KLHL7: variants seen among roughly 807,000 people sequenced by gnomAD.
KLHL7 encodes kelch like family member 7.
KLHL7 carries 44 observed loss-of-function variants against 67.4 expected under a neutral mutation model. The ratio of observed to expected loss-of-function variants is 0.65; its 90% CI spans 0.51 to 0.84. KLHL7 has a LOEUF of 0.84. Ranked by LOEUF, KLHL7 falls within the 40% of genes least tolerant of loss-of-function variation. The pLI is 0.00. For missense variants in KLHL7, 362 were observed against 718.1 expected (o/e 0.50, Z 5.67); for synonymous variants, 252 against 243.3 (o/e 1.04, Z -0.33).
intron 4 of KLHL7, among the ~76,000 whole-genome samples, chr7:23,139,088 TAA>T (rs60821313): frequency 1.4e-4 from 18 of 129,804 alleles, no homozygotes; most frequent in African/African-American, 3.6e-4. Flanking sequence ...TTATTAATGC[TAA>T]AAAAAAAAAA....
chr7:23,149,125 A>G (rs764656881), intron 6 of KLHL7, among the ~76,000 whole-genome samples: 1 of 152,254 alleles, frequency 6.6e-6, no homozygotes, highest in Non-Finnish European at 1.5e-5. Flanking sequence ...ATTACAAAAT[A>G]CAAATGAAGT....
intron 7 of KLHL7, among the ~76,000 whole-genome samples, chr7:23,153,885 TGTCC>T (rs1447778033): frequency 6.6e-6 from 1 of 152,204 alleles, no homozygotes; most frequent in Non-Finnish European, 1.5e-5. Flanking sequence ...GTCAGCAAGC[TGTCC>T]ATTTTCAAGG....
chr7:23,125,493 G>C (rs1783533714), intron 4 of KLHL7, among the ~76,000 whole-genome samples: 1 of 152,086 alleles, frequency 6.6e-6, no homozygotes, highest in Non-Finnish European at 1.5e-5. Flanking sequence ...TTTTATTTAA[G>C]CACTTATGAT....
chr7:23,110,650 A>G (rs1039466680), intron 1 of KLHL7, among the ~76,000 whole-genome samples: 3 of 151,608 alleles, frequency 2.0e-5, no homozygotes, highest in African/African-American at 7.3e-5. Flanking sequence ...GTTTTAGGGT[A>G]CATGTGCACA....
At chr7:23,149,674 G>A (rs1784470667) in intron 6 of KLHL7, among the ~76,000 whole-genome samples, 1 of 152,208 alleles carries the variant, frequency 6.6e-6, no homozygotes, top group South Asian at 2.1e-4. Flanking sequence ...TTGAGCTAAT[G>A]TGATTTTTTA....
At chr7:23,124,010 G>A (rs913897499) in intron 2 of KLHL7, 131 bp downstream of exon 2, 4 of 696,604 alleles carry the variant, frequency 5.7e-6, no homozygotes, top group South Asian at 3.3e-5. Flanking sequence ...TGAAGAGATT[G>A]AAAAAGTAGT....
chr7:23,172,863 T>C, intron 9 of KLHL7, 85 bp from the exon 10 acceptor site: 1 of 1,000,114 alleles, frequency 1.0e-6, no homozygotes, highest in Non-Finnish European at 1.6e-6. Flanking sequence ...AAATGAGCAC[T>C]TAATTAGAAT....
intron 7 of KLHL7, among the ~76,000 whole-genome samples, chr7:23,153,222 GGC>G (rs55924364): frequency 0.8 from 120,399 of 151,440 alleles, 48,420 homozygotes; most frequent in Middle Eastern, 0.89. Context: ...TTCCTGAGGC[GGC>G]GGGGGGGCTA....
At chr7:23,108,883 A>G (rs977046610) in intron 1 of KLHL7, among the ~76,000 whole-genome samples, 1 of 152,256 alleles carries the variant, frequency 6.6e-6, no homozygotes, top group Non-Finnish European at 1.5e-5. Flanking sequence ...CTTGTGGTAT[A>G]TAGTATCCCA....
At chr7:23,114,217 TG>T (rs1222066536) in intron 1 of KLHL7, among the ~76,000 whole-genome samples, 1 of 152,210 alleles carries the variant, frequency 6.6e-6, no homozygotes, top group Non-Finnish European at 1.5e-5. Context: ...AAGCTGGGTT[TG>T]GGCCAAACCA....
rs546501535 is a variant in KLHL7, at chr7:23,165,305, A to G, written c.937-393A>G. ...CCATTGATTACTTATATCACACTAT[A>G]TATCTGGCAGGGAAGGGATGGAGAC... On this transcript the variant is annotated intron_variant, in intron 7 of 10. Coordinates refer to ENST00000339077, the MANE Select transcript of KLHL7 (RefSeq NM_001031710.3). Among the ~76,000 whole-genome samples, 30 of 152,348 alleles carry G rather than the reference A, an allele frequency of 2.0e-4. 1 individual carries two copies. The highest frequency in any genetic ancestry group is 1.0e-4 in the Non-Finnish European group (7 of 68,036).
At chr7:23,124,636 G>A (rs1335639692) in intron 2 of KLHL7, 52 bp from the exon 3 acceptor site, 2 of 1,113,298 alleles carry the variant, frequency 1.8e-6, no homozygotes, top group African/African-American at 3.1e-5. Context: ...TGGTTCCTCA[G>A]TCAAACTTGT....
At chr7:23,140,402 A>C (rs766472348) in intron 4 of KLHL7, among the ~76,000 whole-genome samples, 70 of 152,208 alleles carry the variant, frequency 4.6e-4, no homozygotes, top group Non-Finnish European at 7.8e-4. Flanking sequence ...AAAAATACAA[A>C]AAAAATTAGC....
At chr7:23,108,861 C>CGCTA (rs1782752566) in intron 1 of KLHL7, among the ~76,000 whole-genome samples, 1 of 152,178 alleles carries the variant, frequency 6.6e-6, no homozygotes, top group Admixed American at 6.5e-5. Context: ...CTGTGTGTAG[C>CGCTA]GCTACTTCAT....
At position 23,140,866 on chromosome 7, in the gene KLHL7, TGA is replaced by T; in HGVS notation, c.541_542del (p.Glu181IlefsTer5). ...QHFTEVYKTD[E>X]FLQLDVKRVT... is the part of the protein sequence containing the mutation. ...ACTTTACTGAAGTTTACAAAACTGA[TGA>T]ATTTCTTCAACTTGATGTCAAGCGA... On this transcript the variant is annotated frameshift_variant, in exon 5 of 11. Coordinates refer to ENST00000339077, the MANE Select transcript of KLHL7 (RefSeq NM_001031710.3). LOFTEE classifies it high-confidence loss of function. 6.2e-7 allele frequency: 1 copy of T among 1,614,088 alleles called. No individual in the cohort carries two copies. The highest frequency in any genetic ancestry group is 8.5e-7 in the Non-Finnish European group (1 of 1,179,962).
chr7:23,118,986 A>C (rs1783216116), intron 1 of KLHL7, among the ~76,000 whole-genome samples: 1 of 152,106 alleles, frequency 6.6e-6, no homozygotes, highest in Non-Finnish European at 1.5e-5. Context: ...TGGGAGGATC[A>C]CTTGAGCCCA....
rs182290472 is a variant in KLHL7, at chr7:23,118,732, A to T, written c.121-5045A>T. On this transcript the variant is annotated intron_variant, in intron 1 of 10. Transcript: ENST00000339077. ...ATCATTTTTGATTATCTGATCTCTT[A>T]TCACATTATTTCCTAGACTTTTTTT... 3.3e-3 allele frequency among the ~76,000 whole-genome samples: 510 copies of T among 152,260 alleles called. 5 individuals carry two copies. The highest frequency in any genetic ancestry group is 0.012 in the African/African-American group (482 of 41,550).
chr7:23,115,275 T>C (rs1007130968), intron 1 of KLHL7, among the ~76,000 whole-genome samples: 4 of 152,230 alleles, frequency 2.6e-5, no homozygotes, highest in African/African-American at 7.2e-5. Flanking sequence ...ACATTTTATT[T>C]ATACAGTCCT....
intron 9 of KLHL7, chr7:23,172,287 C>G: frequency 2.4e-6 from 1 of 411,916 alleles, no homozygotes; most frequent in Non-Finnish European, 4.9e-6. Context: ...AATTAATATC[C>G]TTTAACACTT....
Sources: allele counts gnomAD v4.1 joint callset (sites outside exome capture counted in the v4.1 genomes callset), GRCh38; gene constraint gnomAD v4.1.1; transcripts MANE v1.5; gene names NCBI Gene and HGNC (gene_info 2026-07-23, HGNC 2026-07-21).